TBL1X: variants seen among roughly 807,000 people sequenced by gnomAD.
TBL1X encodes the protein F-box-like/WD repeat-containing protein TBL1X.
TBL1X carries 10 observed loss-of-function variants against 50.7 expected under a neutral mutation model. The ratio of observed to expected loss-of-function variants is 0.20; its 90% CI spans 0.12 to 0.33. The LOEUF (loss-of-function observed/expected upper bound fraction) is 0.33. TBL1X is among the 10% of genes least tolerant of loss of function. The pLI, the probability that TBL1X is intolerant of heterozygous loss-of-function variation, is 1.00. For synonymous variants in TBL1X, 190 were observed against 214.7 expected, an observed-to-expected ratio of 0.88 and a Z score of 1.01; for missense variants, 340 against 504.4, an observed-to-expected ratio of 0.67 and a Z score of 3.12.
At chrX:9,473,941 CACGGG>C (rs1365860061) in intron 1 of TBL1X, among the ~76,000 whole-genome samples, 2 of 112,434 alleles carry the variant, frequency 1.8e-5, no homozygotes, top group Non-Finnish European at 3.8e-5. Flanking sequence ...TATTACATGT[CACGGG>C]ATGCTCTGTT....
At chrX:9,622,653 T>C (rs1157882602) in intron 2 of TBL1X, among the ~76,000 whole-genome samples, 1 of 110,766 alleles carries the variant, frequency 9.0e-6, no homozygotes, top group African/African-American at 3.3e-5. Flanking sequence ...GCTTGTTTGT[T>C]TGTTTCTTTG....
intron 15 of TBL1X, among the ~76,000 whole-genome samples, chrX:9,710,303 G>A (rs1232852811): frequency 2.8e-5 from 3 of 109,077 alleles, no homozygotes; most frequent in Admixed American, 1.9e-4. Context: ...AAGCCAGGCA[G>A]CACCAACTCC....
chrX:9,496,079 A>G (rs1276461520), intron 1 of TBL1X, among the ~76,000 whole-genome samples: 2 of 112,717 alleles, frequency 1.8e-5, no homozygotes, highest in African/African-American at 3.2e-5. Context: ...TGTATACACA[A>G]TACACATTGA....
At chrX:9,520,237 A>G (rs1201030267) in intron 2 of TBL1X, among the ~76,000 whole-genome samples, 1 of 112,269 alleles carries the variant, frequency 8.9e-6, no homozygotes, top group Non-Finnish European at 1.9e-5. Flanking sequence ...ACACTGCAGA[A>G]CTTTGGTGCT....
chrX:9,625,309 G>GT (rs995405635), intron 2 of TBL1X, among the ~76,000 whole-genome samples: 108 of 111,959 alleles, frequency 9.6e-4, no homozygotes, highest in African/African-American at 3.3e-3. Context: ...TGGTTATATT[G>GT]TTTTTTTACA....
chrX:9,479,937 A>AGTGTGTGTGTGTGTGTGTGTGTGTGTGT (rs1353868118), intron 1 of TBL1X, among the ~76,000 whole-genome samples: 49 of 37,890 alleles, frequency 1.3e-3, no homozygotes, highest in African/African-American at 3.6e-3. Context: ...AGGAAAGTAG[A>AGTGTGTGTGTGTGTGTGTGTGTGTGTGT]ATGTGTGTGT....
intron 2 of TBL1X, among the ~76,000 whole-genome samples, chrX:9,574,493 T>TG (rs1418479133): frequency 1.9e-5 from 2 of 106,951 alleles, no homozygotes; most frequent in Non-Finnish European, 3.9e-5. Context: ...AAGTACTTGT[T>TG]GCCTGGCCAC....
At chrX:9,527,663 G>C (rs144390535) in intron 2 of TBL1X, among the ~76,000 whole-genome samples, 1,434 of 111,470 alleles carry the variant, frequency 0.013, 10 homozygotes, top group Middle Eastern at 0.023. Flanking sequence ...AAACCCTGTA[G>C]TCTCTGGGTG....
chrX:9,476,165 G>C (rs779183021), intron 1 of TBL1X, among the ~76,000 whole-genome samples: 1 of 112,322 alleles, frequency 8.9e-6, no homozygotes, highest in Non-Finnish European at 1.9e-5. Flanking sequence ...TTACTATCTA[G>C]ATTGATGCAC....
rs191261840 is a variant in TBL1X, at chrX:9,521,917, C to T, written c.-131+20068C>T. Among the ~76,000 whole-genome samples the T allele has an allele frequency of 7.7e-4, 86 of 111,589 alleles. 1 individual carries two copies. Among genetic ancestry groups the T allele is most frequent in the African/African-American group, 2.7e-3 (83 of 30,706 alleles). The stretch of plus-strand genomic sequence containing the variant: ...TTTCTGTGTAGTCTAGTAGCCATAT[C>T]TGGCTATGAAGCACCTGAAATGTGG... On this transcript the variant is annotated intron_variant, in intron 2 of 17. Transcript: ENST00000645353.
At chrX:9,603,416 C>T (rs2082566622) in intron 2 of TBL1X, among the ~76,000 whole-genome samples, 1 of 112,698 alleles carries the variant, frequency 8.9e-6, no homozygotes, top group African/African-American at 3.2e-5. Flanking sequence ...GTTGCATACA[C>T]AGATGTACTT....
At chrX:9,640,216 A>G (rs1371327643) in intron 2 of TBL1X, 57 bp from the exon 3 acceptor site, 1 of 112,377 alleles carries the variant, frequency 8.9e-6, no homozygotes, top group Non-Finnish European at 1.9e-5. Flanking sequence ...GTTGAGAGGT[A>G]AACACACCCC....
At chrX:9,495,804 C>T (rs1041388295) in intron 1 of TBL1X, among the ~76,000 whole-genome samples, 1 of 111,665 alleles carries the variant, frequency 9.0e-6, no homozygotes, top group Admixed American at 9.5e-5. Flanking sequence ...CCAGAAACTA[C>T]AACATTTCAA....
intron 13 of TBL1X, among the ~76,000 whole-genome samples, chrX:9,706,329 T>C (rs945713547): frequency 2.7e-5 from 3 of 111,299 alleles, no homozygotes; most frequent in African/African-American, 9.8e-5. Flanking sequence ...ACCCTAAACC[T>C]ATATGCGTGA....
intron 2 of TBL1X, among the ~76,000 whole-genome samples, chrX:9,567,943 GGCCGTCAGTTCAATCCTTTGA>G (rs2082360053): frequency 8.9e-6 from 1 of 112,197 alleles, no homozygotes; most frequent in African/African-American, 3.2e-5. Flanking sequence ...GGGACTTCCA[GGCCGTCAGTTCAATCCTTTGA>G]GCCTCTGTCT....
intron 2 of TBL1X, among the ~76,000 whole-genome samples, chrX:9,548,895 A>C (rs1029672499): frequency 2.7e-5 from 3 of 113,179 alleles, no homozygotes; most frequent in Non-Finnish European, 5.6e-5. Flanking sequence ...CAACACAGGA[A>C]TTGTCAGGAA....
chrX:9,485,638 A>G (rs1601707981), intron 1 of TBL1X, among the ~76,000 whole-genome samples: 1 of 111,751 alleles, frequency 8.9e-6, no homozygotes, highest in Non-Finnish European at 1.9e-5. Flanking sequence ...ACATGAGACG[A>G]GTTTGTAGCT....
chrX:9,480,586 A>C (rs1259010979), intron 1 of TBL1X, among the ~76,000 whole-genome samples: 1 of 111,799 alleles, frequency 8.9e-6, no homozygotes, highest in Non-Finnish European at 1.9e-5. Context: ...CTGTTTGGAA[A>C]GTTGAGTTTC....
At chrX:9,710,272 G>C (rs1182541587) in intron 15 of TBL1X, among the ~76,000 whole-genome samples, 1 of 104,633 alleles carries the variant, frequency 9.6e-6, no homozygotes, top group Non-Finnish European at 2.0e-5. Context: ...CATGACTGCA[G>C]AGCCACAGTT....
Sources: allele counts gnomAD v4.1 joint callset (sites outside exome capture counted in the v4.1 genomes callset), GRCh38; gene constraint gnomAD v4.1.1; transcripts MANE v1.5; gene names NCBI Gene and HGNC (gene_info 2026-07-23, HGNC 2026-07-21).